SORCS1: variants seen among roughly 807,000 people sequenced by gnomAD.
The protein encoded by SORCS1 is sortilin related VPS10 domain containing receptor 1.
Under a neutral mutation model 146.1 loss-of-function variants are expected in SORCS1, and 60 were observed. The observed-to-expected ratio is 0.41, with a 90% CI of 0.33 to 0.51. The LOEUF is 0.51. Among genes scored for constraint, SORCS1 ranks in the 20% least tolerant of loss-of-function variants. SORCS1 has a pLI of 0.21. For missense variants in SORCS1, 1,352 were observed against 1,487.6 expected (o/e 0.91, Z 1.50); for synonymous variants, 637 against 584.0 (o/e 1.09, Z -1.31).
chr10:106,920,286 C>T (rs766908953), intron 2 of SORCS1, among the ~76,000 whole-genome samples: 3 of 152,198 alleles, frequency 2.0e-5, no homozygotes, highest in Non-Finnish European at 4.4e-5. Flanking sequence ...TAACTTAAAG[C>T]ATGGTCTTTC....
intron 1 of SORCS1, among the ~76,000 whole-genome samples, chr10:107,010,713 A>G (rs1482412371): frequency 6.6e-6 from 1 of 152,166 alleles, no homozygotes; most frequent in Non-Finnish European, 1.5e-5. Context: ...GAGGCCTCAG[A>G]TCTCTGAATA....
chr10:106,657,431 T>C (rs1850384378), intron 17 of SORCS1, among the ~76,000 whole-genome samples: 1 of 151,964 alleles, frequency 6.6e-6, no homozygotes, highest in Non-Finnish European at 1.5e-5. Flanking sequence ...TAGAGAGTGG[T>C]ATAATGAACT....
At chr10:106,722,923 C>G (rs1200610280) in intron 6 of SORCS1, among the ~76,000 whole-genome samples, 1 of 152,140 alleles carries the variant, frequency 6.6e-6, no homozygotes, top group Admixed American at 6.6e-5. Flanking sequence ...GGTAGTAAGT[C>G]TCTTGCATTC....
At chr10:107,171,510 C>CT in the SORCS1 span, among the ~76,000 whole-genome samples, 4 of 96,732 alleles carry the variant, frequency 4.1e-5, no homozygotes, top group African/African-American at 8.7e-5. Flanking sequence ...CCAAGGGAAT[C>CT]CCCCTTTTTT....
intron 1 of SORCS1, among the ~76,000 whole-genome samples, chr10:106,961,368 A>G (rs1317790526): frequency 6.6e-6 from 1 of 152,220 alleles, no homozygotes; most frequent in Non-Finnish European, 1.5e-5. Flanking sequence ...GGAACCTGAG[A>G]ACACCTTCCT....
At position 106,989,769 on chromosome 10, in the gene SORCS1, C is replaced by T. The variant is rs145432606; in HGVS notation, c.559-33189G>A. On this transcript the variant is annotated intron_variant, in intron 1 of 25. Transcript: ENST00000263054. ...TGGCGCGATCTCGGTTCACTGCAAG[C>T]TCCACCTCCCAGCTTCATGCCATTC... is the stretch of plus-strand genomic sequence containing the variant. Among the ~76,000 whole-genome samples the T allele has an allele frequency of 3.7e-3, 554 of 148,428 alleles. 1 individual carries two copies. Among genetic ancestry groups the T allele is most frequent in the Non-Finnish European group, 6.1e-3 (415 of 67,726 alleles).
At chr10:107,146,820 T>G (rs367589224) in intron 1 of SORCS1, among the ~76,000 whole-genome samples, 7 of 152,144 alleles carry the variant, frequency 4.6e-5, no homozygotes, top group African/African-American at 1.4e-4. Flanking sequence ...CTAGGTTAAG[T>G]AGCTTAACTA....
At chr10:107,094,214 C>T (rs1161960303) in intron 1 of SORCS1, among the ~76,000 whole-genome samples, 4 of 152,054 alleles carry the variant, frequency 2.6e-5, no homozygotes, top group Non-Finnish European at 5.9e-5. Context: ...ACCCCCAGCA[C>T]TCAAACAGTG....
At chr10:106,596,811 T>A (rs896142151) in intron 24 of SORCS1, among the ~76,000 whole-genome samples, 7 of 152,206 alleles carry the variant, frequency 4.6e-5, no homozygotes, top group Non-Finnish European at 7.3e-5. Context: ...AAAGCATGCT[T>A]CCATGTGAGA....
intron 1 of SORCS1, among the ~76,000 whole-genome samples, chr10:106,975,264 C>T (rs941480758): frequency 6.6e-6 from 1 of 152,198 alleles, no homozygotes; most frequent in African/African-American, 2.4e-5. Flanking sequence ...GTAGTTTCAA[C>T]TTTGCCAACA....
chr10:107,093,614 AG>A (rs1964353834), intron 1 of SORCS1, among the ~76,000 whole-genome samples: 1 of 149,944 alleles, frequency 6.7e-6, no homozygotes, highest in Non-Finnish European at 1.5e-5. Context: ...AGGAGGTTGC[AG>A]GGGGCTGAGA....
At chr10:106,721,627 CA>C (rs1209982994) in intron 6 of SORCS1, among the ~76,000 whole-genome samples, 6 of 152,138 alleles carry the variant, frequency 3.9e-5, no homozygotes, top group African/African-American at 1.4e-4. Context: ...CAAACACAGG[CA>C]TTATGATACT....
chr10:106,682,869 A>G (rs1852545711), intron 10 of SORCS1, among the ~76,000 whole-genome samples: 1 of 152,220 alleles, frequency 6.6e-6, no homozygotes, highest in African/African-American at 2.4e-5. Flanking sequence ...ATGTACACCC[A>G]AACCACCAAT....
intron 23 of SORCS1, among the ~76,000 whole-genome samples, chr10:106,605,259 C>G (rs1161667854): frequency 6.6e-6 from 1 of 152,210 alleles, no homozygotes; most frequent in East Asian, 1.9e-4. Flanking sequence ...CTAGAGAAAG[C>G]AGACAGTCAA....
intron 2 of SORCS1, among the ~76,000 whole-genome samples, chr10:106,913,105 C>G (rs1197132365): frequency 6.6e-6 from 1 of 151,204 alleles, no homozygotes; most frequent in Non-Finnish European, 1.5e-5. Context: ...GCTTACATTG[C>G]TAAAGTGTCT....
intron 1 of SORCS1, among the ~76,000 whole-genome samples, chr10:107,026,811 CA>C (rs1958426014): frequency 6.6e-6 from 1 of 151,808 alleles, no homozygotes; most frequent in Non-Finnish European, 1.5e-5. Context: ...TGACATGAGT[CA>C]ACTTGTACAT....
chr10:106,926,007 G>A (rs12355643), intron 2 of SORCS1, among the ~76,000 whole-genome samples: 79,518 of 151,840 alleles, frequency 0.52, 22,398 homozygotes, highest in Non-Finnish European at 0.63. Flanking sequence ...AGACACTTTG[G>A]AAGAAAAAAA....
Position 106,672,826 on chromosome 10 carries a change from T to C in SORCS1, c.2058+42A>G, listed in dbSNP as rs114682214. 953 of 1,556,122 alleles carry C rather than the reference T, an allele frequency of 6.1e-4. 6 individuals are homozygous for C. The African/African-American group carries it at 0.011, about 18-fold the overall frequency. The stretch of plus-strand genomic sequence containing the variant: ...ACTAGCTTTCCCCCAACACCACTCA[T>C]GCTTCCTGCCCAGGCCTTAGTCTCA... On this transcript the variant is annotated intron_variant, in intron 15 of 25. Coordinates refer to ENST00000263054, the MANE Select transcript of SORCS1 (RefSeq NM_052918.5).
chr10:106,871,351 C>A (rs6584766), intron 2 of SORCS1, among the ~76,000 whole-genome samples: 74,249 of 152,012 alleles, frequency 0.49, 18,677 homozygotes, highest in African/African-American at 0.61. Context: ...GGAGCTAAAA[C>A]CAGAACTACC....
Sources: allele counts gnomAD v4.1 joint callset (sites outside exome capture counted in the v4.1 genomes callset), GRCh38; gene constraint gnomAD v4.1.1; transcripts MANE v1.5; gene names NCBI Gene and HGNC (gene_info 2026-07-23, HGNC 2026-07-21).